The following PIK3R4 variants were observed in gnomAD, a reference collection of about 807,000 sequenced individuals.
The protein encoded by PIK3R4 is phosphoinositide 3-kinase regulatory subunit 4.
A neutral mutation model predicts 136.5 loss-of-function variants in PIK3R4; 46 were observed. The observed-to-expected ratio is 0.34, with a 90% CI of 0.27 to 0.43. PIK3R4 has a LOEUF of 0.43. Among genes scored for constraint, PIK3R4 ranks in the 20% least tolerant of loss-of-function variants. The pLI, the probability that PIK3R4 is intolerant of heterozygous loss-of-function variation, is 1.00. For synonymous variants in PIK3R4, 557 were observed against 566.7 expected, an observed-to-expected ratio of 0.98 and a Z score of 0.24; for missense variants, 1,331 against 1,649.5, an observed-to-expected ratio of 0.81 and a Z score of 3.35.
chr3:130,707,843 T>C (rs973195251), intron 10 of PIK3R4, among the ~76,000 whole-genome samples: 1 of 152,226 alleles, frequency 6.6e-6, no homozygotes, highest in African/African-American at 2.4e-5. Context: ...TTGTCTGGTC[T>C]CTACTCTTGT....
chr3:130,682,479 A>G (rs914755412), intron 16 of PIK3R4, among the ~76,000 whole-genome samples: 2 of 152,172 alleles, frequency 1.3e-5, no homozygotes, highest in African/African-American at 4.8e-5. Context: ...TATTAAAAAA[A>G]TAAGTTGTGA....
intron 9 of PIK3R4, among the ~76,000 whole-genome samples, chr3:130,711,295 A>G (rs1322225646): frequency 6.6e-6 from 1 of 152,134 alleles, no homozygotes; most frequent in African/African-American, 2.4e-5. Context: ...TACAATGCCT[A>G]AAATATTTAA....
At chr3:130,680,950 T>G in intron 18 of PIK3R4, 27 bp downstream of exon 18, 1 of 1,150,890 alleles carries the variant, frequency 8.7e-7, no homozygotes, top group Non-Finnish European at 1.3e-6. Flanking sequence ...AAAGTATCCA[T>G]TTTATTAAAG....
At chr3:130,680,550 T>C in intron 19 of PIK3R4, 63 bp downstream of exon 19, 1 of 820,926 alleles carries the variant, frequency 1.2e-6, no homozygotes, top group East Asian at 2.5e-5. Context: ...TTTTAATCAA[T>C]TCTGTTTACA....
intron 14 of PIK3R4, 30 bp from the exon 15 acceptor site, chr3:130,686,452 C>A (rs1559819648): frequency 7.3e-7 from 1 of 1,361,020 alleles, no homozygotes; most frequent in Admixed American, 1.7e-5. Flanking sequence ...ACAGACGTTT[C>A]CAGTCACTGA....
chr3:130,727,709 C>T (rs1438635796), intron 6 of PIK3R4, among the ~76,000 whole-genome samples: 1 of 152,018 alleles, frequency 6.6e-6, no homozygotes, highest in Non-Finnish European at 1.5e-5. Flanking sequence ...TCATAATTGG[C>T]CAAATCTTAA....
At chr3:130,709,510 A>T (rs968422343) in intron 9 of PIK3R4, among the ~76,000 whole-genome samples, 1 of 152,158 alleles carries the variant, frequency 6.6e-6, no homozygotes, top group Non-Finnish European at 1.5e-5. Context: ...GCATTAAAGT[A>T]CAATAATAAT....
At chr3:130,681,328 G>GAAAC (rs1386338209) in intron 17 of PIK3R4, among the ~76,000 whole-genome samples, 163 bp downstream of exon 17, 9 of 152,136 alleles carry the variant, frequency 5.9e-5, no homozygotes, top group African/African-American at 1.7e-4. Flanking sequence ...CACTAGCAAG[G>GAAAC]AAACACTCAT....
intron 2 of PIK3R4, among the ~76,000 whole-genome samples, chr3:130,743,427 A>C (rs1187881293): frequency 2.0e-5 from 3 of 152,132 alleles, no homozygotes; most frequent in Non-Finnish European, 4.4e-5. Context: ...AAATAATAAT[A>C]AATTAAAAAT....
intron 17 of PIK3R4, 82 bp downstream of exon 17, chr3:130,681,409 A>ATAC (rs760292208): frequency 4.4e-4 from 405 of 924,174 alleles, no homozygotes; most frequent in Non-Finnish European, 6.5e-4. Flanking sequence ...AGCCCAACAG[A>ATAC]TACTAGGTTT....
chr3:130,723,373 T>C, intron 7 of PIK3R4, 41 bp downstream of exon 7: 1 of 1,528,034 alleles, frequency 6.5e-7, no homozygotes, highest in Non-Finnish European at 8.9e-7. Flanking sequence ...TTTTATAAAG[T>C]TCTTCCAATC....
In PIK3R4 at chr3:130,735,928, C is replaced by T; in HGVS notation, c.808G>A (p.Gly270Arg). Residue 270 changes from glycine to arginine, a missense_variant, in exon 3 of 20, where the codon GGA (glycine) becomes AGA (arginine). By Grantham distance (125) the Gly-to-Arg change is moderately radical. Around this residue, in one of 2 missense-constraint regions of PIK3R4, gnomAD observed 1,180 missense variants for 1,407.0 expected, o/e 0.84. Coordinates refer to ENST00000356763, the MANE Select transcript of PIK3R4 (RefSeq NM_014602.3). ...DLSQLLAYRN[G>R]HFFPEQVLNK... ...AGCACTTGTTCAGGGAAAAAATGTC[C>T]ATTTCTATAAGCCAAAAGTTGAGAG... The T allele has an allele frequency of 6.2e-7, 1 of 1,612,730 alleles. No homozygotes were observed. Among genetic ancestry groups the T allele is most frequent in the Non-Finnish European group, 8.5e-7 (1 of 1,179,360 alleles).
chr3:130,726,750 A>T (rs2066734165), intron 6 of PIK3R4, among the ~76,000 whole-genome samples: 1 of 151,952 alleles, frequency 6.6e-6, no homozygotes, highest in Non-Finnish European at 1.5e-5. Context: ...TAAATAAAAA[A>T]TTTATTTTTA....
chr3:130,744,354 A>T, intron 2 of PIK3R4, 132 bp downstream of exon 2: 1 of 960,642 alleles, frequency 1.0e-6, no homozygotes, highest in South Asian at 1.6e-5. Flanking sequence ...GCTGCCTCTA[A>T]CTGAAATAGC....
At chr3:130,736,662 A>G (rs1012305036) in intron 2 of PIK3R4, among the ~76,000 whole-genome samples, 8 of 151,818 alleles carry the variant, frequency 5.3e-5, no homozygotes, top group African/African-American at 1.9e-4. Context: ...AAAACAAGAA[A>G]CTTTTTTTTT....
At chr3:130,739,082 G>C (rs970861483) in intron 2 of PIK3R4, among the ~76,000 whole-genome samples, 1 of 151,968 alleles carries the variant, frequency 6.6e-6, no homozygotes, top group African/African-American at 2.4e-5. Context: ...TTTTTGTTTT[G>C]TTTTGTTTTT....
At chr3:130,696,632 T>G (rs2066547601) in intron 13 of PIK3R4, among the ~76,000 whole-genome samples, 1 of 152,212 alleles carries the variant, frequency 6.6e-6, no homozygotes, top group South Asian at 2.1e-4. Context: ...TTTCAATCCT[T>G]TTAAACTTAT....
intron 4 of PIK3R4, 82 bp downstream of exon 4, chr3:130,733,462 TCAAA>T (rs747162167): frequency 1.4e-4 from 116 of 848,126 alleles, no homozygotes; most frequent in Non-Finnish European, 2.1e-4. Flanking sequence ...CTTGCAATTC[TCAAA>T]CAAATCAGAA....
At chr3:130,732,788 T>C (rs2066766004) in intron 4 of PIK3R4, among the ~76,000 whole-genome samples, 2 of 151,288 alleles carry the variant, frequency 1.3e-5, no homozygotes, top group Non-Finnish European at 2.9e-5. Context: ...TGAACTACAT[T>C]TCTTTAAAAA....
Sources: gnomAD v4.1 joint callset for allele counts (sites outside exome capture counted in the v4.1 genomes callset) on GRCh38, gnomAD v4.1.1 for gene constraint, gnomAD v4.1.1 regional missense constraint, MANE v1.5 for transcripts, NCBI Gene and HGNC (gene_info 2026-07-23, HGNC 2026-07-21) for gene names.